Variants in ST6GALNAC4 observed in about 807,000 individuals in gnomAD.
The protein encoded by ST6GALNAC4 is ST6 N-acetylgalactosaminide alpha-2,6-sialyltransferase 4, also known as alpha-N-acetyl-neuraminyl-2,3-beta-galactosyl-1,3-N-acetyl-galactosaminide alpha-2,6-sialyltransferase.
Under a neutral mutation model 30.4 loss-of-function variants are expected in ST6GALNAC4, and 24 were observed. That is an observed-to-expected ratio of 0.79 (90% CI 0.57 to 1.11). The LOEUF is 1.11. ST6GALNAC4 is among the 50% of genes most tolerant of loss of function. The probability of loss-of-function intolerance (pLI) is 0.00; values close to 1 mark genes in which losing one functional copy is unlikely to be tolerated. For synonymous variants in ST6GALNAC4, 156 were observed against 179.7 expected (o/e 0.87, Z 1.05); for missense variants, 365 against 430.1 (o/e 0.85, Z 1.34).
rs571039665 is a variant in ST6GALNAC4 at position 127,916,244 on chromosome 9, A to C, written c.12+164T>G. 33 of 869,884 alleles carry C rather than the reference A, an allele frequency of 3.8e-5. No individual in the cohort carries two copies. The East Asian group carries it at 6.0e-4, about 16-fold the overall frequency. 53.9% of individuals were successfully genotyped at this position (869,884 alleles called of 1,614,324 possible). On this transcript the variant is annotated intron_variant, in intron 2 of 5. Coordinates refer to ENST00000335791, the MANE Select transcript of ST6GALNAC4 (RefSeq NM_175039.4). ...GTGGATGCCACCTGCCTGGGGCCAC[A>C]CGGTCTGCAAGAACAGGGTTGGACT...
chr9:127,912,809 A>C lies in ST6GALNAC4; in HGVS notation c.199-129T>G. ...CGGCTTGAAGGACTGTTATGAACCC[A>C]TTTTGCAGGCTGGGCAGCAGGGATG... On this transcript the variant is annotated intron_variant, in intron 3 of 5. Transcript: ENST00000335791. The C allele has an allele frequency of 2.6e-6, 3 of 1,143,334 alleles. No individual in the cohort carries two copies. In the East Asian group the frequency reaches 7.9e-5, roughly 30 times the overall value. The allele number at this position is 1,143,334 out of a possible 1,614,324, so 70.8% of individuals were successfully genotyped here.
chr9:127,914,070 ACTCT>A (rs1221952363), intron 3 of ST6GALNAC4, among the ~76,000 whole-genome samples: 1 of 150,920 alleles, frequency 6.6e-6, no homozygotes, highest in Non-Finnish European at 1.5e-5. Flanking sequence ...ACAAAGCTAG[ACTCT>A]CTCTCTCTCA....
chr9:127,908,711 G>T, intron 5 of ST6GALNAC4, 130 bp from the exon 6 acceptor site: 3 of 760,158 alleles, frequency 3.9e-6, no homozygotes, highest in Non-Finnish European at 5.7e-6. Context: ...CCCTGGGGAG[G>T]CCAAGACACA....
intron 2 of ST6GALNAC4, 182 bp downstream of exon 2, chr9:127,916,226 C>T (rs1588679103): frequency 8.0e-6 from 6 of 747,908 alleles, no homozygotes; most frequent in Non-Finnish European, 1.1e-5. Context: ...AGAGTGGATG[C>T]CACCTGCCTG....
At chr9:127,913,458 G>A (rs1278606097) in intron 3 of ST6GALNAC4, among the ~76,000 whole-genome samples, 5 of 152,078 alleles carry the variant, frequency 3.3e-5, no homozygotes, top group Non-Finnish European at 7.4e-5. Context: ...GGTAGCACAC[G>A]CCTGTAATCC....
intron 5 of ST6GALNAC4, among the ~76,000 whole-genome samples, 197 bp downstream of exon 5, chr9:127,909,754 C>T (rs1699097666): frequency 6.6e-6 from 1 of 152,146 alleles, no homozygotes; most frequent in Non-Finnish European, 1.5e-5. Flanking sequence ...AACAGCCACA[C>T]TGGGGTTGGT....
At chr9:127,916,265 G>T in intron 2 of ST6GALNAC4, 143 bp downstream of exon 2, 1 of 1,085,034 alleles carries the variant, frequency 9.2e-7, no homozygotes, top group Non-Finnish European at 1.4e-6. Context: ...GAACAGGGTT[G>T]GACTTTGAGG....
At chr9:127,914,518 AAG>A in intron 3 of ST6GALNAC4, 136 bp downstream of exon 3, 1 of 506,796 alleles carries the variant, frequency 2.0e-6, no homozygotes. Context: ...AAAAAAAAAA[AAG>A]AACCTAGGGC....
In ST6GALNAC4 at chr9:127,914,672, C is replaced by T; in HGVS notation, c.182G>A (p.Ser61Asn). Residue 61 changes from serine (S) to asparagine (N), a missense_variant, in exon 3 of 6, where the codon AGT (serine) becomes AAT (asparagine). Ser to Asn is a conservative substitution (Grantham distance 46, BLOSUM62 1). Transcript: ENST00000335791. Reference protein sequence around the residue: ...PGPLHFSGYSSVPDGKPLVRE... With the variant: ...PGPLHFSGYSNVPDGKPLVRE... ...CCCACTCACCTTCCCATCTGGCACACTGCTATATCCACTGAAGTGCAGGGG... is the reference window on the plus strand; with the variant it reads ...CCCACTCACCTTCCCATCTGGCACATTGCTATATCCACTGAAGTGCAGGGG... 6.2e-7 allele frequency: 1 copy of T among 1,612,128 alleles called. No individual in the cohort carries two copies.
At chr9:127,910,437 G>T (rs1001547745) in intron 4 of ST6GALNAC4, 13 of 1,049,792 alleles carry the variant, frequency 1.2e-5, no homozygotes, top group Non-Finnish European at 1.5e-5. Context: ...TCAGGTGGGG[G>T]TTCTCTAGAG....
At chr9:127,914,004 C>T (rs1326232215) in intron 3 of ST6GALNAC4, among the ~76,000 whole-genome samples, 2 of 152,046 alleles carry the variant, frequency 1.3e-5, no homozygotes, top group African/African-American at 2.4e-5. Flanking sequence ...CACTTGAATC[C>T]GGCAGGTGGA....
At position 127,916,609 on chromosome 9, in the gene ST6GALNAC4, G is replaced by C; in HGVS notation, c.-75-115C>G. On this transcript the variant is annotated intron_variant, in intron 1 of 5. Coordinates refer to ENST00000335791, the MANE Select transcript of ST6GALNAC4 (RefSeq NM_175039.4). The stretch of plus-strand genomic sequence containing the variant: ...CCGGGGTGAAAGCACATGGCACCCG[G>C]GAATCCAACCCCTTGACGTCTCCAA... The C allele has an allele frequency of 6.3e-6, 4 of 635,692 alleles. No homozygotes were observed. In the Admixed American group the frequency reaches 1.1e-4, roughly 17 times the overall value. 39.4% of individuals were successfully genotyped at this position (635,692 alleles called of 1,614,324 possible).
intron 4 of ST6GALNAC4, among the ~76,000 whole-genome samples, chr9:127,911,008 G>C (rs949953929): frequency 6.6e-6 from 1 of 152,224 alleles, no homozygotes; most frequent in Admixed American, 6.5e-5. Context: ...TGAGTAACAA[G>C]AGGAGCCTGT....
At position 127,910,284 on chromosome 9, in the gene ST6GALNAC4, C is replaced by T. The variant is rs1044037229; in HGVS notation, c.612-226G>A. ...GCCTGATCACCTCCTCAGCACCCAG[C>T]GGGGCTCGGGCCCAGCTACGCTTTG... On this transcript the variant is annotated intron_variant, in intron 4 of 5. Transcript: ENST00000335791. 1.3e-5 allele frequency: 17 copies of T among 1,321,646 alleles called. No individual in the cohort carries two copies. In the East Asian group the frequency reaches 1.3e-4, roughly 10 times the overall value. 81.9% of individuals were successfully genotyped at this position (1,321,646 alleles called of 1,614,324 possible). A position where few individuals can be genotyped will look rare whatever the true frequency, so the allele number is the denominator to read the frequency against.
intron 2 of ST6GALNAC4, 140 bp from the exon 3 acceptor site, chr9:127,914,981 C>G: frequency 1.4e-6 from 1 of 728,262 alleles, no homozygotes; most frequent in Non-Finnish European, 2.0e-6. Flanking sequence ...AATCCAGTCT[C>G]CATCCACTGG....
chr9:127,908,051 C>A lies in ST6GALNAC4; in HGVS notation c.*341G>T. On this transcript the variant is annotated 3_prime_UTR_variant, in exon 6 of 6. Transcript: ENST00000335791. The stretch of plus-strand genomic sequence containing the variant: ...GTAGGAGCGGCTGGGGAGGGAGGAC[C>A]AGGACTGGCACAAGGTCATGATGCT... The A allele has an allele frequency of 6.0e-6, 1 of 165,506 alleles. No individual in the cohort carries two copies. Among genetic ancestry groups the A allele is most frequent in the Non-Finnish European group, 1.3e-5 (1 of 77,038 alleles). The allele number at this position is 165,506 out of a possible 1,614,324, so 10.3% of individuals were successfully genotyped here.
Position 127,910,071 on chromosome 9 carries a change from G to C in ST6GALNAC4, c.612-13C>G. 1 of 1,611,772 alleles carries C rather than the reference G, an allele frequency of 6.2e-7. No homozygotes were observed. The highest frequency in any genetic ancestry group is 8.5e-7 in the Non-Finnish European group (1 of 1,179,268). ...GCCCGACTGCCTCCTGGGGGTGGCG[G>C]GGGGACAGGGGGACGCTGTCAACAA... On this transcript the variant is annotated splice_polypyrimidine_tract_variant and intron_variant, in intron 4 of 5. Coordinates refer to ENST00000335791, the MANE Select transcript of ST6GALNAC4 (RefSeq NM_175039.4).
chr9:127,909,350 C>T (rs1044162887), intron 5 of ST6GALNAC4, among the ~76,000 whole-genome samples: 9 of 150,360 alleles, frequency 6.0e-5, no homozygotes, highest in Admixed American at 2.6e-4. Context: ...GATCGCGCCA[C>T]TGCACTCCAG....
chr9:127,911,586 G>T (rs1189257313), intron 4 of ST6GALNAC4, among the ~76,000 whole-genome samples: 1 of 152,140 alleles, frequency 6.6e-6, no homozygotes, highest in African/African-American at 2.4e-5. Flanking sequence ...AGGTTCAAAC[G>T]ATTCTCCTGC....
Sources: gnomAD v4.1 joint callset for allele counts (sites outside exome capture counted in the v4.1 genomes callset) on GRCh38, gnomAD v4.1.1 for gene constraint, MANE v1.5 for transcripts, NCBI Gene and HGNC (gene_info 2026-07-23, HGNC 2026-07-21) for gene names.